Variants in MTPN observed in about 807,000 individuals in gnomAD.
The protein encoded by MTPN is granule cell differentiation protein.
MTPN carries 2 observed loss-of-function variants against 13.5 expected under a neutral mutation model. The ratio of observed to expected loss-of-function variants is 0.15; its 90% CI spans 0.06 to 0.47. MTPN has a LOEUF of 0.47. Ranked by LOEUF, MTPN falls within the 20% of genes least tolerant of loss-of-function variation. The probability of loss-of-function intolerance (pLI) is 0.97; values close to 1 mark genes in which losing one functional copy is unlikely to be tolerated. For missense variants in MTPN, 79 were observed against 137.9 expected, an observed-to-expected ratio of 0.57 and a Z score of 2.14; for synonymous variants, 46 against 51.7, an observed-to-expected ratio of 0.89 and a Z score of 0.48.
intron 3 of MTPN, among the ~76,000 whole-genome samples, chr7:135,939,772 A>G (rs1055933462): frequency 6.6e-6 from 1 of 152,122 alleles, no homozygotes; most frequent in East Asian, 1.9e-4. Flanking sequence ...ATTAACCATT[A>G]ACAGGTATGT....
rs1288035900 is a variant in MTPN, at chr7:135,929,923, C to A, written c.*3G>T. ...CTTCCGGAGTTATCAGTCCATCCAT[C>A]CATCACTGGAGAAGAGCTTTGATTG... On this transcript the variant is annotated 3_prime_UTR_variant, in exon 4 of 4. Transcript: ENST00000393085. 6.2e-7 allele frequency: 1 copy of A among 1,613,906 alleles called. No homozygotes were observed. Among genetic ancestry groups the A allele is most frequent in the South Asian group, 1.1e-5 (1 of 91,076 alleles).
At chr7:135,931,027 T>A (rs1348317493) in intron 3 of MTPN, among the ~76,000 whole-genome samples, 1 of 152,116 alleles carries the variant, frequency 6.6e-6, no homozygotes, top group Non-Finnish European at 1.5e-5. Flanking sequence ...TCTTCTCCAG[T>A]TAACCGCTCC....
At chr7:135,936,138 T>A (rs1193155464) in intron 3 of MTPN, among the ~76,000 whole-genome samples, 1 of 152,144 alleles carries the variant, frequency 6.6e-6, no homozygotes, top group East Asian at 1.9e-4. Context: ...GGCTTATTAG[T>A]CTTTGCGATC....
rs549417413 is a variant in MTPN at position 135,977,343 on chromosome 7, C to A, written c.-243G>T. 2.1e-5 allele frequency: 12 copies of A among 562,060 alleles called. No homozygotes were observed. The highest frequency in any genetic ancestry group is 1.7e-4 in the African/African-American group (9 of 52,790). 34.8% of individuals were successfully genotyped at this position (562,060 alleles called of 1,614,324 possible). The stretch of plus-strand genomic sequence containing the variant: ...GAGGTTCCGCCTGGCCGAGGAGAGG[C>A]AGGAACCTTTACACTTCCGGTTCAC... On this transcript the variant is annotated 5_prime_UTR_variant, in exon 1 of 4. Coordinates refer to ENST00000393085, the MANE Select transcript of MTPN (RefSeq NM_145808.4).
At chr7:135,968,179 TTA>T in intron 1 of MTPN, among the ~76,000 whole-genome samples, 1 of 152,184 alleles carries the variant, frequency 6.6e-6, no homozygotes. Context: ...TCATTCTTTT[TTA>T]TATGTCAAAT....
intron 3 of MTPN, among the ~76,000 whole-genome samples, chr7:135,939,593 T>TGG (rs1422915424): frequency 2.4e-4 from 1 of 4,194 alleles, no homozygotes; most frequent in Non-Finnish European, 6.3e-4. Flanking sequence ...GGGGGGCGGG[T>TGG]GCGTGGGGCG....
intron 3 of MTPN, chr7:135,932,379 A>G (rs1799037073): frequency 6.6e-6 from 1 of 152,062 alleles, no homozygotes; most frequent in Non-Finnish European, 1.5e-5. Flanking sequence ...TGATTCTGCA[A>G]CTAGGCCAGT....
chr7:135,934,820 TACTCTCCCCTGCC>T, intron 3 of MTPN, among the ~76,000 whole-genome samples: 1 of 152,174 alleles, frequency 6.6e-6, no homozygotes, highest in East Asian at 1.9e-4. Flanking sequence ...CAACTCCTTC[TACTCTCCCCTGCC>T]TTCCTTTACT....
At chr7:135,940,959 T>TA (rs967055574) in intron 3 of MTPN, among the ~76,000 whole-genome samples, 31 of 152,348 alleles carry the variant, frequency 2.0e-4, no homozygotes, top group African/African-American at 7.5e-4. Flanking sequence ...GGAACATACC[T>TA]AGGCTCATTC....
chr7:135,948,748 G>A (rs1799320116), intron 3 of MTPN, among the ~76,000 whole-genome samples: 3 of 152,168 alleles, frequency 2.0e-5, no homozygotes, highest in Admixed American at 2.0e-4. Context: ...TTCCTAGGAG[G>A]ACAGAGAGGT....
chr7:135,935,845 G>A (rs1319553407), intron 3 of MTPN, among the ~76,000 whole-genome samples: 1 of 151,824 alleles, frequency 6.6e-6, no homozygotes, highest in African/African-American at 2.4e-5. Flanking sequence ...TTGGGATGGT[G>A]CCCCAATTCT....
At chr7:135,950,509 C>T in intron 3 of MTPN, 90 bp downstream of exon 3, 1 of 1,060,282 alleles carries the variant, frequency 9.4e-7, no homozygotes, top group Non-Finnish European at 1.4e-6. Flanking sequence ...TCTGTCCCTG[C>T]TGCCACACAA....
chr7:135,949,123 T>C (rs538840090), intron 3 of MTPN, among the ~76,000 whole-genome samples: 4 of 152,352 alleles, frequency 2.6e-5, no homozygotes, highest in East Asian at 3.9e-4. Context: ...TGTACAGTTA[T>C]ATAAATTAAT....
intron 3 of MTPN, among the ~76,000 whole-genome samples, chr7:135,949,999 C>A (rs760464117): frequency 1.9e-4 from 29 of 152,230 alleles, no homozygotes; most frequent in Non-Finnish European, 4.0e-4. Context: ...TCTGTAGGAT[C>A]CATCTAATAC....
At chr7:135,959,294 A>G (rs898048567) in intron 1 of MTPN, among the ~76,000 whole-genome samples, 2 of 152,188 alleles carry the variant, frequency 1.3e-5, no homozygotes, top group Non-Finnish European at 2.9e-5. Context: ...TAACAGTTAC[A>G]TTATTTCATT....
chr7:135,951,461 T>G, intron 2 of MTPN, 56 bp downstream of exon 2: 1 of 989,602 alleles, frequency 1.0e-6, no homozygotes, highest in Non-Finnish European at 1.5e-6. Context: ...AGAAAACAAT[T>G]ACCCATAGCA....
At chr7:135,969,238 T>TAAAAAA (rs57871609) in intron 1 of MTPN, among the ~76,000 whole-genome samples, 1 of 109,110 alleles carries the variant, frequency 9.2e-6, no homozygotes, top group Non-Finnish European at 1.9e-5. Context: ...TAAAGTATAA[T>TAAAAAA]AAAAAAAAAA....
At chr7:135,971,789 T>C (rs1182435275) in intron 1 of MTPN, among the ~76,000 whole-genome samples, 3 of 152,320 alleles carry the variant, frequency 2.0e-5, no homozygotes, top group East Asian at 1.9e-4. Flanking sequence ...TAATTATGAA[T>C]AGAAATCTCA....
In MTPN at chr7:135,927,848, G is replaced by C. The variant is rs1798948493; in HGVS notation, c.*2078C>G. 2.6e-6 allele frequency: 1 copy of C among 378,368 alleles called. No individual in the cohort carries two copies. The highest frequency in any genetic ancestry group is 5.3e-6 in the Non-Finnish European group (1 of 189,470). The allele number at this position is 378,368 out of a possible 1,614,324, so 23.4% of individuals were successfully genotyped here. A position where few individuals can be genotyped will look rare whatever the true frequency, so the allele number is the denominator to read the frequency against. On this transcript the variant is annotated 3_prime_UTR_variant, in exon 4 of 4. Transcript: ENST00000393085. ...AAGAATCACATGGTTTCCATACCAT[G>C]AATGTAGAAAGCAGACCAGGTTTAG...
Sources: gnomAD v4.1 joint callset for allele counts (sites outside exome capture counted in the v4.1 genomes callset) on GRCh38, gnomAD v4.1.1 for gene constraint, MANE v1.5 for transcripts, NCBI Gene and HGNC (gene_info 2026-07-23, HGNC 2026-07-21) for gene names.